Variants in FABP7 observed in about 807,000 individuals in gnomAD.
FABP7 encodes fatty acid-binding protein, brain.
Under a neutral mutation model 14.2 loss-of-function variants are expected in FABP7, and 13 were observed. The observed-to-expected ratio is 0.91, with a 90% CI of 0.59 to 1.45. FABP7 has a LOEUF of 1.45. Among genes scored for constraint, FABP7 ranks in the 40% most tolerant of loss-of-function variants. FABP7 has a pLI of 0.00. For synonymous variants in FABP7, 49 were observed against 51.4 expected (o/e 0.95, Z 0.20); for missense variants, 149 against 157.6 (o/e 0.95, Z 0.29).
chr6:122,783,836 T>A lies in FABP7; in HGVS notation c.*69T>A. 1 of 1,204,468 alleles carries A rather than the reference T, an allele frequency of 8.3e-7. No homozygotes were observed. The highest frequency in any genetic ancestry group is 1.2e-6 in the Non-Finnish European group (1 of 828,028). 74.6% of individuals were successfully genotyped at this position (1,204,468 alleles called of 1,614,324 possible). A position where few individuals can be genotyped will look rare whatever the true frequency, so the allele number is the denominator to read the frequency against. On this transcript the variant is annotated 3_prime_UTR_variant, in exon 4 of 4. Coordinates refer to ENST00000368444, the MANE Select transcript of FABP7 (RefSeq NM_001446.5). ...GTTTCCTCAAGTCTCAGTGCTATCC[T>A]ATTACAACATGGCTGATCATTAATT... is the stretch of plus-strand genomic sequence containing the variant.
chr6:122,764,635 A>G, the FABP7 span, among the ~76,000 whole-genome samples: 9 of 152,240 alleles, frequency 5.9e-5, no homozygotes, highest in African/African-American at 1.2e-4. Flanking sequence ...TAAAAACTGC[A>G]TATCTTCCCT....
At chr6:122,757,117 C>A in the FABP7 span, among the ~76,000 whole-genome samples, 1 of 152,312 alleles carries the variant, frequency 6.6e-6, no homozygotes, top group East Asian at 1.9e-4. Context: ...CCATAAACCT[C>A]TCTTATGAAC....
chr6:122,754,344 C>G, the FABP7 span, among the ~76,000 whole-genome samples: 1 of 152,110 alleles, frequency 6.6e-6, no homozygotes, highest in African/African-American at 2.4e-5. Context: ...ACCAAACCAC[C>G]AGCTTCCTGC....
At chr6:122,750,889 C>A in the FABP7 span, among the ~76,000 whole-genome samples, 1 of 152,260 alleles carries the variant, frequency 6.6e-6, no homozygotes, top group East Asian at 1.9e-4. Flanking sequence ...TGAAGCTTTG[C>A]CTGTTCTTTT....
intron 1 of FABP7, 128 bp downstream of exon 1, chr6:122,779,995 C>A: frequency 2.2e-6 from 2 of 925,294 alleles, no homozygotes; most frequent in Non-Finnish European, 3.4e-6. Context: ...AGATGCTAGG[C>A]TATGCATTTT....
chr6:122,758,221 T>C, the FABP7 span, among the ~76,000 whole-genome samples: 2 of 151,626 alleles, frequency 1.3e-5, no homozygotes, highest in Non-Finnish European at 2.9e-5. Context: ...AATTCTTCTG[T>C]CTCAGCCTCC....
intron 2 of FABP7, among the ~76,000 whole-genome samples, 193 bp from the exon 3 acceptor site, chr6:122,780,900 G>A (rs570213256): frequency 2.0e-5 from 3 of 152,112 alleles, no homozygotes; most frequent in Non-Finnish European, 4.4e-5. Context: ...GTATTTAGAT[G>A]TATACTTTTT....
At chr6:122,756,220 C>T in the FABP7 span, among the ~76,000 whole-genome samples, 2 of 152,130 alleles carry the variant, frequency 1.3e-5, no homozygotes, top group African/African-American at 2.4e-5. Context: ...TAAGAACCAC[C>T]GCCTTTGGCT....
chr6:122,750,863 T>G, the FABP7 span, among the ~76,000 whole-genome samples: 17 of 152,240 alleles, frequency 1.1e-4, no homozygotes, highest in Non-Finnish European at 1.8e-4. Context: ...GAGACTACGC[T>G]GAAAAGTTCG....
At chr6:122,757,453 C>T in the FABP7 span, among the ~76,000 whole-genome samples, 2 of 151,864 alleles carry the variant, frequency 1.3e-5, no homozygotes, top group Non-Finnish European at 2.9e-5. Context: ...GCCCTAGGCC[C>T]CTGTCCCTGT....
chr6:122,770,874 C>G, the FABP7 span, among the ~76,000 whole-genome samples: 1 of 152,158 alleles, frequency 6.6e-6, no homozygotes, highest in Non-Finnish European at 1.5e-5. Flanking sequence ...CTGATTCATG[C>G]TCTGCAGAAG....
At chr6:122,775,307 A>G (rs1265578765), upstream of FABP7, among the ~76,000 whole-genome samples, 1 of 151,922 alleles carries the variant, frequency 6.6e-6, no homozygotes, top group Non-Finnish European at 1.5e-5. Flanking sequence ...ACTGGCATAA[A>G]AACAGACACA....
chr6:122,782,852 AT>A (rs566051165), intron 3 of FABP7: 6 of 985,168 alleles, frequency 6.1e-6, no homozygotes, highest in South Asian at 4.7e-5. Context: ...ATTTGCTCAC[AT>A]TTTTTTGGCA....
the FABP7 span, among the ~76,000 whole-genome samples, chr6:122,763,119 T>C: frequency 3.3e-5 from 5 of 152,098 alleles, no homozygotes; most frequent in African/African-American, 7.2e-5. Flanking sequence ...GGAGATACCA[T>C]GCTACCTGAC....
the FABP7 span, among the ~76,000 whole-genome samples, chr6:122,757,778 C>T: frequency 1.1e-4 from 16 of 152,030 alleles, no homozygotes; most frequent in African/African-American, 3.9e-4. Context: ...TTGGCTGGTT[C>T]CTTTAGGGGA....
At chr6:122,770,857 G>A in the FABP7 span, among the ~76,000 whole-genome samples, 11 of 152,288 alleles carry the variant, frequency 7.2e-5, no homozygotes, top group Admixed American at 6.5e-4. Flanking sequence ...GTGGTAGACT[G>A]ACTTATCTGA....
chr6:122,757,722 T>G, the FABP7 span, among the ~76,000 whole-genome samples: 1 of 152,088 alleles, frequency 6.6e-6, no homozygotes, highest in South Asian at 2.1e-4. Flanking sequence ...CCGCTAACCT[T>G]GAGGCTTCTC....
chr6:122,755,650 A>G, the FABP7 span, among the ~76,000 whole-genome samples: 145,971 of 151,536 alleles, frequency 0.96, 70,519 homozygotes, highest in East Asian at 1. Context: ...GTAGATATGG[A>G]GTTTCACCGT....
chr6:122,779,984 C>A, intron 1 of FABP7, 117 bp downstream of exon 1: 2 of 992,318 alleles, frequency 2.0e-6, no homozygotes, highest in Non-Finnish European at 1.6e-6. Context: ...TTGCCCTGAT[C>A]AGATGCTAGG....
Sources: gnomAD v4.1 joint callset for allele counts (sites outside exome capture counted in the v4.1 genomes callset) on GRCh38, gnomAD v4.1.1 for gene constraint, MANE v1.5 for transcripts, NCBI Gene and HGNC (gene_info 2026-07-23, HGNC 2026-07-21) for gene names.